MCUB: variants seen among roughly 807,000 people sequenced by gnomAD.
MCUB encodes mitochondrial calcium uniporter dominant negative subunit beta.
MCUB carries 46 observed loss-of-function variants against 41.4 expected under a neutral mutation model. The ratio of observed to expected loss-of-function variants is 1.11; its 90% CI spans 0.88 to 1.42. MCUB has a LOEUF of 1.42. Ranked by LOEUF, MCUB falls within the 40% of genes most tolerant of loss-of-function variation. The pLI is 0.00. For synonymous variants in MCUB, 148 were observed against 148.2 expected, an observed-to-expected ratio of 1.00 and a Z score of 0.01; for missense variants, 403 against 404.9, an observed-to-expected ratio of 1.00 and a Z score of 0.04.
At chr4:109,614,043 A>T (rs1339217022) in intron 1 of MCUB, among the ~76,000 whole-genome samples, 2 of 152,172 alleles carry the variant, frequency 1.3e-5, no homozygotes, top group Admixed American at 1.3e-4. Context: ...CACCACCACA[A>T]CCAGATATTC....
At chr4:109,681,896 A>G (rs1327300983) in intron 4 of MCUB, among the ~76,000 whole-genome samples, 1 of 152,250 alleles carries the variant, frequency 6.6e-6, no homozygotes, top group East Asian at 1.9e-4. Context: ...ATAGTGTGAA[A>G]TAGAGTGAAA....
At chr4:109,565,838 CT>C (rs34317769) in intron 1 of MCUB, among the ~76,000 whole-genome samples, 18,413 of 134,770 alleles carry the variant, frequency 0.14, 2,163 homozygotes, top group African/African-American at 0.35. Context: ...ATTTTCATTT[CT>C]TTTTTTTTTT....
chr4:109,645,553 C>G (rs1326873362), intron 1 of MCUB, among the ~76,000 whole-genome samples: 3 of 151,830 alleles, frequency 2.0e-5, no homozygotes, highest in Non-Finnish European at 4.4e-5. Context: ...TTTGTATCCT[C>G]TTCTCCAGCC....
chr4:109,589,998 T>G, intron 1 of MCUB, among the ~76,000 whole-genome samples: 1 of 152,372 alleles, frequency 6.6e-6, no homozygotes, highest in South Asian at 2.1e-4. Context: ...AACCAATTTG[T>G]CTAGTGGTAA....
intron 1 of MCUB, among the ~76,000 whole-genome samples, chr4:109,602,884 G>A (rs1419078340): frequency 1.3e-5 from 2 of 152,080 alleles, no homozygotes; most frequent in Non-Finnish European, 2.9e-5. Context: ...TTGCATCTAT[G>A]ATTTATAGTT....
At position 109,672,687 on chromosome 4, in the gene MCUB, A is replaced by G. The variant is rs538220101; in HGVS notation, c.451+8293A>G. Among the ~76,000 whole-genome samples, 3 of 152,314 alleles carry G rather than the reference A, an allele frequency of 2.0e-5. No individual in the cohort carries two copies. In the South Asian group the frequency reaches 6.2e-4, roughly 32 times the overall value. On this transcript the variant is annotated intron_variant, in intron 4 of 7. Coordinates refer to ENST00000394650, the MANE Select transcript of MCUB (RefSeq NM_017918.5). ...TCATCACTTTGCAGCCAAATTCTAGATCAGGCAAGAGCCATCAACAGGGAG... is the reference window on the plus strand; with the variant it reads ...TCATCACTTTGCAGCCAAATTCTAGGTCAGGCAAGAGCCATCAACAGGGAG...
chr4:109,622,022 C>T (rs941863717), intron 1 of MCUB, among the ~76,000 whole-genome samples: 1 of 152,146 alleles, frequency 6.6e-6, no homozygotes, highest in African/African-American at 2.4e-5. Flanking sequence ...GCTGGGATTA[C>T]AGGCACCCGC....
intron 1 of MCUB, among the ~76,000 whole-genome samples, chr4:109,651,103 G>A (rs1174010511): frequency 6.6e-6 from 1 of 152,010 alleles, no homozygotes; most frequent in African/African-American, 2.4e-5. Context: ...TTGTGTGAAG[G>A]CATTTTAAAA....
intron 4 of MCUB, among the ~76,000 whole-genome samples, chr4:109,678,154 C>G (rs1729615501): frequency 6.6e-6 from 1 of 152,106 alleles, no homozygotes. Context: ...AGATTAACAG[C>G]ATCCCAAGGC....
intron 1 of MCUB, among the ~76,000 whole-genome samples, chr4:109,602,750 A>G (rs1302917343): frequency 2.0e-5 from 3 of 152,158 alleles, no homozygotes; most frequent in Non-Finnish European, 4.4e-5. Flanking sequence ...GAAGAATGTC[A>G]TTGGCATTTT....
At chr4:109,632,095 A>C (rs1283713484) in intron 1 of MCUB, among the ~76,000 whole-genome samples, 1 of 152,226 alleles carries the variant, frequency 6.6e-6, no homozygotes, top group Non-Finnish European at 1.5e-5. Context: ...AGGAGCACTA[A>C]GATCCAAAGA....
chr4:109,679,406 G>A (rs138564232), intron 4 of MCUB, among the ~76,000 whole-genome samples: 6,955 of 152,296 alleles, frequency 0.046, 565 homozygotes, highest in African/African-American at 0.16. Context: ...AGCACCTCGG[G>A]AGGCCGAGGC....
At chr4:109,643,261 C>T (rs1490431511) in intron 1 of MCUB, among the ~76,000 whole-genome samples, 5 of 127,056 alleles carry the variant, frequency 3.9e-5, no homozygotes, top group African/African-American at 6.5e-5. Context: ...TCTTGGCTCA[C>T]GGCAACTTCT....
chr4:109,560,520 G>C (rs1483908800), intron 1 of MCUB, 84 bp downstream of exon 1: 4 of 633,820 alleles, frequency 6.3e-6, no homozygotes, highest in Non-Finnish European at 2.3e-6. Flanking sequence ...AGCAAAAGCC[G>C]AGCGGCCGAG....
intron 1 of MCUB, among the ~76,000 whole-genome samples, chr4:109,608,697 T>C (rs1727935032): frequency 6.6e-6 from 1 of 151,902 alleles, no homozygotes; most frequent in Admixed American, 6.6e-5. Context: ...GACAGGGTTT[T>C]GCCACGTTGC....
At position 109,569,676 on chromosome 4, in the gene MCUB, G is replaced by A. The variant is rs181397125; in HGVS notation, c.99+9240G>A. On this transcript the variant is annotated intron_variant, in intron 1 of 7. Transcript: ENST00000394650. ...CTGCCACCACACCTGGCTAATTTTT[G>A]TATTTTAGTAGAGATGGTGTTTCCC... Among the ~76,000 whole-genome samples, 10 of 151,692 alleles carry A rather than the reference G, an allele frequency of 6.6e-5. No individual in the cohort carries two copies. The East Asian group carries it at 2.0e-3, about 30-fold the overall frequency.
intron 1 of MCUB, among the ~76,000 whole-genome samples, chr4:109,654,497 G>C (rs1729043695): frequency 6.6e-6 from 1 of 151,744 alleles, no homozygotes; most frequent in Non-Finnish European, 1.5e-5. Flanking sequence ...TGTAATCCCA[G>C]CTACTCGAGA....
chr4:109,685,224 T>A lies in MCUB; in HGVS notation c.817-27T>A, dbSNP rs1175689501. The A allele has an allele frequency of 8.7e-6, 8 of 918,018 alleles. No individual in the cohort carries two copies. In the South Asian group the frequency reaches 1.1e-4, roughly 13 times the overall value. The allele number at this position is 918,018 out of a possible 1,614,324, so 56.9% of individuals were successfully genotyped here. A position where few individuals can be genotyped will look rare whatever the true frequency, so the allele number is the denominator to read the frequency against. ...ATTATGTTCATTCAAAACATGTTGT[T>A]TTCTTCTCTCTCTCTTTTTTTTTAA... On this transcript the variant is annotated intron_variant, in intron 6 of 7. Coordinates refer to ENST00000394650, the MANE Select transcript of MCUB (RefSeq NM_017918.5).
chr4:109,665,598 CT>C (rs2126146062), intron 4 of MCUB, among the ~76,000 whole-genome samples: 1 of 152,172 alleles, frequency 6.6e-6, no homozygotes, highest in East Asian at 1.9e-4. Context: ...CTCTAGATTA[CT>C]TACAATACCT....
Sources: allele counts gnomAD v4.1 joint callset (sites outside exome capture counted in the v4.1 genomes callset), GRCh38; gene constraint gnomAD v4.1.1; transcripts MANE v1.5; gene names NCBI Gene and HGNC (gene_info 2026-07-23, HGNC 2026-07-21).